Variants in MTMR9 observed in about 807,000 individuals in gnomAD.
MTMR9 encodes the protein myotubularin related protein 9.
MTMR9 carries 39 observed loss-of-function variants against 69.5 expected under a neutral mutation model. The ratio of observed to expected loss-of-function variants is 0.56; its 90% confidence interval spans 0.43 to 0.73. MTMR9 has a LOEUF of 0.73. Among genes scored for constraint, MTMR9 ranks in the 30% least tolerant of loss-of-function variants. The pLI is 0.00. For missense variants in MTMR9, 900 were observed against 671.2 expected (o/e 1.34, Z -3.77); for synonymous variants, 354 against 240.8 (o/e 1.47, Z -4.35).
At chr8:11,299,017 C>G (rs1222432742) in intron 2 of MTMR9, 1 of 465,600 alleles carries the variant, frequency 2.1e-6, no homozygotes, top group Non-Finnish European at 2.8e-6. Flanking sequence ...GGAATTTCTA[C>G]CTATGTAGAG....
downstream of MTMR9, chr8:11,332,252 C>T: frequency 7.3e-7 from 1 of 1,378,732 alleles, no homozygotes; most frequent in Non-Finnish European, 9.7e-7. Context: ...GTCTAACTTC[C>T]ATAGCACATT....
At chr8:11,331,173 C>G (rs751584776), downstream of MTMR9, 8 of 1,613,290 alleles carry the variant, frequency 5.0e-6, no homozygotes, top group East Asian at 1.6e-4. Context: ...CTCCGCTCCA[C>G]CCAGCCTCCG....
intron 1 of MTMR9, among the ~76,000 whole-genome samples, chr8:11,289,415 A>G (rs1360257124): frequency 6.6e-6 from 1 of 152,132 alleles, no homozygotes; most frequent in Admixed American, 6.5e-5. Flanking sequence ...ACTTTCATAT[A>G]TATCGCTTAC....
At chr8:11,313,713 G>A (rs1022983252) in intron 6 of MTMR9, among the ~76,000 whole-genome samples, 6 of 152,166 alleles carry the variant, frequency 3.9e-5, no homozygotes, top group Non-Finnish European at 1.5e-5. Context: ...AACACACACA[G>A]CATTTGTTGA....
chr8:11,331,752 C>G (rs1442810597), downstream of MTMR9: 2 of 1,611,860 alleles, frequency 1.2e-6, no homozygotes, highest in East Asian at 4.5e-5. Flanking sequence ...TCTGCACTTT[C>G]CCTCCTGCCT....
chr8:11,306,400 A>G lies in MTMR9; in HGVS notation c.802A>G (p.Ile268Val), dbSNP rs773247713. The change falls in exon 5 of 10, where the codon ATT (isoleucine) becomes GTT (valine). Residue 268 changes from isoleucine to valine, a missense_variant. Ile to Val is a conservative substitution (Grantham distance 29). Coordinates refer to ENST00000221086, the MANE Select transcript of MTMR9 (RefSeq NM_015458.4). ...TCAGTGGAGGCGAATTCATAAGTCC[A>G]TTGAGAGGTAAAAGATTCCAAAGAT... ...YPQWRRIHKS[I>V]ERYHILQESL... The G allele has an allele frequency of 3.1e-6, 5 of 1,613,846 alleles. No individual in the cohort carries two copies. The Admixed American group carries it at 5.0e-5, about 16-fold the overall frequency.
chr8:11,330,793 G>A, downstream of MTMR9: 2 of 456,650 alleles, frequency 4.4e-6, no homozygotes, highest in East Asian at 4.0e-5. Context: ...AGGCCGCAGG[G>A]TCCTCTGCCT....
intron 9 of MTMR9, among the ~76,000 whole-genome samples, chr8:11,322,362 T>A (rs893003989): frequency 2.6e-5 from 4 of 152,252 alleles, no homozygotes; most frequent in Non-Finnish European, 5.9e-5. Flanking sequence ...TTGGATCTAT[T>A]TGATAATTTT....
At chr8:11,316,960 A>C (rs1319133574) in intron 8 of MTMR9, 67 bp downstream of exon 8, 12 of 1,066,806 alleles carry the variant, frequency 1.1e-5, no homozygotes, top group Non-Finnish European at 1.6e-5. Context: ...AAGTAGCCAG[A>C]ATCTCCTAGG....
At chr8:11,310,111 C>T (rs1800136861) in intron 6 of MTMR9, among the ~76,000 whole-genome samples, 1 of 152,134 alleles carries the variant, frequency 6.6e-6, no homozygotes, top group Non-Finnish European at 1.5e-5. Context: ...GTAAAATGAT[C>T]CTTTCTAACC....
chr8:11,303,910 A>G (rs546494231), intron 3 of MTMR9, among the ~76,000 whole-genome samples: 19 of 152,238 alleles, frequency 1.2e-4, no homozygotes, highest in Non-Finnish European at 2.4e-4. Context: ...GTGATACTGT[A>G]TCTTATAAAA....
chr8:11,308,309 A>G (rs986876091), intron 5 of MTMR9, among the ~76,000 whole-genome samples: 2 of 152,136 alleles, frequency 1.3e-5, no homozygotes, highest in Admixed American at 6.5e-5. Flanking sequence ...TCCCCATTGT[A>G]TGTTCTCGGC....
chr8:11,288,028 T>C (rs1255006951), intron 1 of MTMR9, among the ~76,000 whole-genome samples: 1 of 125,530 alleles, frequency 8.0e-6, no homozygotes, highest in Non-Finnish European at 1.6e-5. Context: ...ACGTATGATA[T>C]ATAATATATA....
downstream of MTMR9, among the ~76,000 whole-genome samples, chr8:11,329,296 A>C (rs972959336): frequency 6.6e-6 from 1 of 152,162 alleles, no homozygotes; most frequent in African/African-American, 2.4e-5. Context: ...CAGAAGCTGG[A>C]GTGGGAAGAT....
chr8:11,336,302 T>A, the MTMR9 span, among the ~76,000 whole-genome samples: 1 of 152,198 alleles, frequency 6.6e-6, no homozygotes, highest in African/African-American at 2.4e-5. Flanking sequence ...TACTTTGTAT[T>A]TGGTTCCATT....
Position 11,326,340 on chromosome 8 carries a change from T to C in MTMR9, c.*3552T>C, listed in dbSNP as rs1800928374. The C allele has an allele frequency of 6.6e-6, 1 of 152,240 alleles. No homozygotes were observed. The highest frequency in any genetic ancestry group is 1.5e-5 in the Non-Finnish European group (1 of 68,028). The allele number at this position is 152,240 out of a possible 1,614,324, so 9.4% of individuals were successfully genotyped here. A position where few individuals can be genotyped will look rare whatever the true frequency, so the allele number is the denominator to read the frequency against. On this transcript the variant is annotated 3_prime_UTR_variant, in exon 10 of 10. Coordinates refer to ENST00000221086, the MANE Select transcript of MTMR9 (RefSeq NM_015458.4). The stretch of plus-strand genomic sequence containing the variant: ...ATGAATGAAAACAACACAAGCGTTT[T>C]ATGAGCACTCTTTATCAGAAAGGTA...
In MTMR9 at chr8:11,326,955, G is replaced by C. The variant is rs1800961995; in HGVS notation, c.*4167G>C. ...ACTGCACTCCAGCCTGGGCGAAAGG[G>C]CAAGACTCCATCTCAAAAAAAAAAA... is the stretch of plus-strand genomic sequence containing the variant. On this transcript the variant is annotated 3_prime_UTR_variant, in exon 10 of 10. Transcript: ENST00000221086. The C allele has an allele frequency of 7.2e-6, 1 of 138,088 alleles. No homozygotes were observed. Among genetic ancestry groups the C allele is most frequent in the Non-Finnish European group, 1.5e-5 (1 of 65,154 alleles). The allele number at this position is 138,088 out of a possible 1,614,324, so 8.6% of individuals were successfully genotyped here. A position where few individuals can be genotyped will look rare whatever the true frequency, so the allele number is the denominator to read the frequency against.
chr8:11,287,410 A>C (rs1281877097), intron 1 of MTMR9, among the ~76,000 whole-genome samples: 1 of 152,068 alleles, frequency 6.6e-6, no homozygotes, highest in African/African-American at 2.4e-5. Flanking sequence ...TGGACCTTTG[A>C]ATCTGTTAGG....
In MTMR9 at chr8:11,287,703, TTA is replaced by T. The variant is rs200639913; in HGVS notation, c.182+2641_182+2642del. 1.3e-3 allele frequency among the ~76,000 whole-genome samples: 184 copies of T among 137,750 alleles called. 1 individual carries two copies. Among genetic ancestry groups the T allele is most frequent in the African/African-American group, 4.8e-3 (173 of 36,102 alleles). 90.4% of individuals were successfully genotyped at this position (137,750 alleles called of 152,430 possible). On this transcript the variant is annotated intron_variant, in intron 1 of 9. Coordinates refer to ENST00000221086, the MANE Select transcript of MTMR9 (RefSeq NM_015458.4). ...TTATATTTATTATGTTTATTATATA[TTA>T]TATATATTATAATATATATTATATA...
Sources: allele counts gnomAD v4.1 joint callset (sites outside exome capture counted in the v4.1 genomes callset), GRCh38; gene constraint gnomAD v4.1.1; transcripts MANE v1.5; gene names NCBI Gene and HGNC (gene_info 2026-07-23, HGNC 2026-07-21).